Variants in NOTCH2 observed in about 807,000 individuals in gnomAD.
NOTCH2 encodes the protein neurogenic locus notch homolog protein 2.
Under a neutral mutation model 235.8 loss-of-function variants are expected in NOTCH2, and 29 were observed. That is an observed-to-expected ratio of 0.12 (90% CI 0.09 to 0.17). The LOEUF is 0.17. Ranked by LOEUF, NOTCH2 falls within the 10% of genes least tolerant of loss-of-function variation. The pLI is 1.00. For synonymous variants in NOTCH2, 1,086 were observed against 1,141.5 expected (o/e 0.95, Z 0.98); for missense variants, 2,285 against 3,150.2 (o/e 0.73, Z 6.57).
At chr1:120,002,580 C>T (rs1292296289) in intron 3 of NOTCH2, among the ~76,000 whole-genome samples, 4 of 140,456 alleles carry the variant, frequency 2.8e-5, no homozygotes, top group Non-Finnish European at 6.1e-5. Flanking sequence ...AAAAGGAATA[C>T]AAAATGGGTA....
rs1402205871 is a variant in NOTCH2 at position 119,915,705 on chromosome 1, C to T, written c.7017G>A (p.Met2339Ile). 2 of 1,610,736 alleles carry T rather than the reference C, an allele frequency of 1.2e-6. No homozygotes were observed. Among genetic ancestry groups the T allele is most frequent in the African/African-American group, 1.3e-5 (1 of 75,002 alleles). Residue 2339 changes from methionine to isoleucine, a missense_variant, in exon 34 of 34, where the codon ATG becomes ATA. Physicochemically the swap from Met to Ile is conservative, Grantham distance 10 (BLOSUM62 1). Coordinates refer to ENST00000256646, the MANE Select transcript of NOTCH2 (RefSeq NM_024408.4). ...AACGGGCCATTTCTGGAATCTGGTA[C>T]ATGGTGGGCAGGGGGCCCGCAACAG... Reference protein sequence around the residue: ...PPAVAGPLPTMYQIPEMARLP... With the variant: ...PPAVAGPLPTIYQIPEMARLP...
chr1:119,986,742 C>T, intron 5 of NOTCH2, among the ~76,000 whole-genome samples: 1 of 152,156 alleles, frequency 6.6e-6, no homozygotes, highest in Non-Finnish European at 1.5e-5. Flanking sequence ...TTCAGAGTTG[C>T]TGCCCAATAA....
At chr1:119,955,377 G>GA in intron 12 of NOTCH2, 145 bp from the exon 13 acceptor site, 1 of 764,492 alleles carries the variant, frequency 1.3e-6, no homozygotes, top group Non-Finnish European at 2.3e-6. Context: ...TAAGGAATTA[G>GA]ACACCCAATA....
rs587643947 is a variant in NOTCH2 at position 119,961,970 on chromosome 1, G to A, written c.1915+1604C>T. On this transcript the variant is annotated intron_variant, in intron 11 of 33. Coordinates refer to ENST00000256646, the MANE Select transcript of NOTCH2 (RefSeq NM_024408.4). ...CACCCAGGTCCCTGATACATGCCAG[G>A]TCTTTCTCCACCCATTACAGATCAA... is the stretch of plus-strand genomic sequence containing the variant. Among the ~76,000 whole-genome samples, 5 of 152,234 alleles carry A rather than the reference G, an allele frequency of 3.3e-5. No homozygotes were observed. In the South Asian group the frequency reaches 1.0e-3, roughly 32 times the overall value.
rs777091426 is a variant in NOTCH2 at position 119,925,513 on chromosome 1, G to A, written c.4303C>T (p.Arg1435Trp). Reference sequence around the variant, plus strand: ...CAGGCCTCATCACAGACGCCATCCCGAGCTTTGTCGGCACAATACTGGCTC... The same window carrying A: ...CAGGCCTCATCACAGACGCCATCCCAAGCTTTGTCGGCACAATACTGGCTC... Reference protein sequence around the residue: ...CLSQYCADKARDGVCDEACNS... With the variant: ...CLSQYCADKAWDGVCDEACNS... The change falls in exon 25 of 34, where the codon CGG (arginine) becomes TGG (tryptophan). Residue 1435 changes from arginine (R) to tryptophan (W), a missense_variant. Physicochemically the swap from Arg to Trp is moderately radical, Grantham distance 101. This residue lies in a region of NOTCH2 where 1,173 missense variants were observed against 1,515.3 expected (regional missense o/e 0.77). Coordinates refer to ENST00000256646, the MANE Select transcript of NOTCH2 (RefSeq NM_024408.4). The A allele has an allele frequency of 3.1e-6, 5 of 1,614,152 alleles. No homozygotes were observed. In the Admixed American group the frequency reaches 5.0e-5, roughly 16 times the overall value.
At chr1:119,952,181 T>C (rs1650501287) in intron 14 of NOTCH2, among the ~76,000 whole-genome samples, 1 of 152,194 alleles carries the variant, frequency 6.6e-6, no homozygotes, top group Non-Finnish European at 1.5e-5. Context: ...ATAACAGTGA[T>C]AACTCAGAAG....
chr1:119,942,215 T>C (rs1473743247), intron 17 of NOTCH2, among the ~76,000 whole-genome samples: 2 of 152,196 alleles, frequency 1.3e-5, no homozygotes, highest in East Asian at 3.9e-4. Context: ...TCTCTCTCTT[T>C]TAGATTTCAG....
intron 15 of NOTCH2, among the ~76,000 whole-genome samples, chr1:119,949,710 G>T (rs1650396972): frequency 6.6e-6 from 1 of 151,986 alleles, no homozygotes; most frequent in Admixed American, 6.6e-5. Flanking sequence ...AGGGGAAAAA[G>T]TAACAATGTG....
chr1:120,046,132 A>G (rs1654778746), intron 1 of NOTCH2, among the ~76,000 whole-genome samples: 1 of 143,818 alleles, frequency 7.0e-6, no homozygotes, highest in Non-Finnish European at 1.5e-5. Context: ...GATTTCACAA[A>G]GTAGGATACA....
rs587619407 is a variant in NOTCH2, at chr1:119,948,874, A to C, written c.2599+133T>G. 1.3e-5 allele frequency: 17 copies of C among 1,260,402 alleles called. No homozygotes were observed. In the East Asian group the frequency reaches 2.3e-4, roughly 17 times the overall value. The allele number at this position is 1,260,402 out of a possible 1,614,324, so 78.1% of individuals were successfully genotyped here. On this transcript the variant is annotated intron_variant, in intron 16 of 33. Coordinates refer to ENST00000256646, the MANE Select transcript of NOTCH2 (RefSeq NM_024408.4). ...CCATTTCAAGTAGCAGCTCCTTTGC[A>C]AAACCTGTGTGCTCTTGACAAGATG...
Position 120,005,351 on chromosome 1 carries a change from G to A in NOTCH2, c.393C>T (p.Cys131=), listed in dbSNP as rs782467066. 48 of 1,614,050 alleles carry A rather than the reference G, an allele frequency of 3.0e-5. No individual in the cohort carries two copies. Among genetic ancestry groups the A allele is most frequent in the Non-Finnish European group, 3.8e-5 (45 of 1,179,880 alleles). ...CHMLSRDTYE[C]TCQVGFTGKE... ...TACCTGTAAACCCGACTTGACAGGT[G>A]CACTCATAGGTATCCCGGCTGAGCA... The change falls in exon 3 of 34, where the codon TGC becomes TGT. Residue 131 remains cysteine, a synonymous_variant. Transcript: ENST00000256646.
intron 1 of NOTCH2, among the ~76,000 whole-genome samples, chr1:120,039,409 C>CTTTT (rs1170358326): frequency 1.6e-5 from 2 of 127,046 alleles, no homozygotes; most frequent in Non-Finnish European, 3.3e-5. Flanking sequence ...CTTTTTAAAG[C>CTTTT]TTTTTTTTTT....
intron 3 of NOTCH2, among the ~76,000 whole-genome samples, chr1:119,998,771 T>C (rs1351340641): frequency 4.7e-5 from 7 of 148,724 alleles, no homozygotes; most frequent in African/African-American, 1.5e-4. Context: ...ATATGTGCCA[T>C]GTTGGTGTGC....
Position 119,921,828 on chromosome 1 carries a change from G to GA in NOTCH2, c.5214-20dup. The GA allele has an allele frequency of 1.3e-6, 2 of 1,581,398 alleles. No individual in the cohort carries two copies. Among genetic ancestry groups the GA allele is most frequent in the Non-Finnish European group, 1.7e-6 (2 of 1,150,332 alleles). On this transcript the variant is annotated intron_variant, in intron 28 of 33. Transcript: ENST00000256646. ...GAGATTTCTAATATGATTATAAAAA[G>GA]AAAAAATAAGAATGGCAGTCATAAA...
At chr1:120,034,704 T>TG (rs1654238684) in intron 1 of NOTCH2, among the ~76,000 whole-genome samples, 2 of 147,950 alleles carry the variant, frequency 1.4e-5, no homozygotes, top group South Asian at 4.4e-4. Flanking sequence ...TCATGAAGGC[T>TG]GGGGGTGCAG....
chr1:119,977,430 A>G (rs1431802455), intron 5 of NOTCH2, among the ~76,000 whole-genome samples: 1 of 152,138 alleles, frequency 6.6e-6, no homozygotes, highest in Middle Eastern at 3.2e-3. Context: ...GGGCAACTCT[A>G]CATTAAGGTG....
At chr1:119,934,010 T>C (rs587671634) in intron 22 of NOTCH2, among the ~76,000 whole-genome samples, 2 of 152,212 alleles carry the variant, frequency 1.3e-5, no homozygotes, top group Admixed American at 6.5e-5. Flanking sequence ...AAACCACATA[T>C]CTAAAACACA....
chr1:119,975,612 C>T (rs1396161758), intron 5 of NOTCH2, among the ~76,000 whole-genome samples: 1 of 147,194 alleles, frequency 6.8e-6, no homozygotes, highest in Admixed American at 7.0e-5. Context: ...TGCCACTGCA[C>T]TCCAGCCTGG....
At chr1:119,997,357 G>T in intron 3 of NOTCH2, 25 bp from the exon 4 acceptor site, 1 of 1,611,210 alleles carries the variant, frequency 6.2e-7, no homozygotes, top group Non-Finnish European at 8.5e-7. Context: ...ACAAAACTCA[G>T]TACTGGCCAC....
Sources: allele counts gnomAD v4.1 joint callset (sites outside exome capture counted in the v4.1 genomes callset), GRCh38; gene constraint gnomAD v4.1.1; regional missense constraint gnomAD v4.1.1; transcripts MANE v1.5; gene names NCBI Gene and HGNC (gene_info 2026-07-23, HGNC 2026-07-21).